NCOR2: variants seen among roughly 807,000 people sequenced by gnomAD.
The protein encoded by NCOR2 is CTG repeat protein 26.
NCOR2 carries 81 observed loss-of-function variants against 262.9 expected under a neutral mutation model. That is an observed-to-expected ratio of 0.31 (90% CI 0.26 to 0.37). The LOEUF (loss-of-function observed/expected upper bound fraction) is 0.37. Ranked by LOEUF, NCOR2 falls within the 10% of genes least tolerant of loss-of-function variation. NCOR2 has a pLI of 1.00. For missense variants in NCOR2, 3,385 were observed against 3,621.4 expected, an observed-to-expected ratio of 0.93 and a Z score of 1.68; for synonymous variants, 1,659 against 1,559.3, an observed-to-expected ratio of 1.06 and a Z score of -1.51.
chr12:124,447,034 C>G (rs1437077302), intron 7 of NCOR2, among the ~76,000 whole-genome samples: 1 of 152,238 alleles, frequency 6.6e-6, no homozygotes, highest in Admixed American at 6.5e-5. Flanking sequence ...CCTGCCTCAA[C>G]CTCCTGAGTA....
rs368160551 is a variant in NCOR2, at chr12:124,448,650, G to A, written c.815+1165C>T. 2.5e-4 allele frequency among the ~76,000 whole-genome samples: 5 copies of A among 20,030 alleles called. No homozygotes were observed. The East Asian group carries it at 9.0e-3, about 36-fold the overall frequency. 13.1% of individuals were successfully genotyped at this position (20,030 alleles called of 152,430 possible). ...TCTAGGCTGCTGCAACAATGACCAG[G>A]TGGCCAAGTTGATCACCTGAGCTTG... On this transcript the variant is annotated intron_variant, in intron 7 of 46. Coordinates refer to ENST00000405201, the Ensembl canonical transcript of NCOR2.
chr12:124,529,493 A>T (rs56993366), intron 1 of NCOR2, among the ~76,000 whole-genome samples: 3,220 of 152,312 alleles, frequency 0.021, 120 homozygotes, highest in African/African-American at 0.074. Flanking sequence ...AAAAAATAAA[A>T]AAATAAATAA....
At chr12:124,336,963 C>T (rs747426729) in exon 38 of NCOR2, 19 of 1,527,828 alleles carry the variant, frequency 1.2e-5, no homozygotes, top group Admixed American at 2.1e-5. Flanking sequence ...GGGGAGGAGG[C>T]GGGCTCCAGC....
Position 124,454,980 on chromosome 12 carries a change from C to T in NCOR2, c.762+2126G>A, listed in dbSNP as rs922801519. ...AATATGATTCAGCCACAAAAAGGAACGAAGGACCGACCCACGCTCGACACG... is the reference window on the plus strand; with the variant it reads ...AATATGATTCAGCCACAAAAAGGAATGAAGGACCGACCCACGCTCGACACG... On this transcript the variant is annotated intron_variant, in intron 6 of 46. Coordinates refer to ENST00000405201, the Ensembl canonical transcript of NCOR2. The surrounding 1 kb of genome is among the most constrained non-coding windows in gnomAD (Gnocchi z 5.6). 2.0e-5 allele frequency among the ~76,000 whole-genome samples: 3 copies of T among 152,096 alleles called. No individual in the cohort carries two copies. Among genetic ancestry groups the T allele is most frequent in the African/African-American group, 4.8e-5 (2 of 41,410 alleles).
intron 9 of NCOR2, among the ~76,000 whole-genome samples, chr12:124,429,908 T>C (rs1042435724): frequency 6.6e-6 from 1 of 152,192 alleles, no homozygotes; most frequent in East Asian, 1.9e-4. Context: ...CCCTGTGACA[T>C]GGGCAGCTCA....
intron 1 of NCOR2, among the ~76,000 whole-genome samples, chr12:124,489,334 T>G (rs1411460209): frequency 3.3e-5 from 5 of 152,196 alleles, no homozygotes; most frequent in Non-Finnish European, 7.3e-5. Context: ...TATTAGTTAA[T>G]TTCATCCCTA....
chr12:124,488,506 C>T (rs1208585548), intron 1 of NCOR2, among the ~76,000 whole-genome samples: 1 of 152,212 alleles, frequency 6.6e-6, no homozygotes, highest in Non-Finnish European at 1.5e-5. Context: ...GAGGGATTCC[C>T]CCAAGGCTGA....
At chr12:124,477,363 G>GT (rs1228152360) in intron 3 of NCOR2, among the ~76,000 whole-genome samples, 1 of 152,208 alleles carries the variant, frequency 6.6e-6, no homozygotes, top group African/African-American at 2.4e-5. Flanking sequence ...CACCACGACT[G>GT]TGAGTTTCCT....
chr12:124,396,499 C>CCCCAGGCCCTACCAGCTGGATACAGGG, intron 16 of NCOR2, among the ~76,000 whole-genome samples: 1 of 152,082 alleles, frequency 6.6e-6, no homozygotes, highest in East Asian at 1.9e-4. Context: ...CTGACAGCAG[C>CCCCAGGCCCTACCAGCTGGATACAGGG]CCCAGGCCCT....
At chr12:124,530,239 G>A (rs145760996) in intron 1 of NCOR2, 7 of 151,510 alleles carry the variant, frequency 4.6e-5, no homozygotes, top group Non-Finnish European at 7.4e-5. Flanking sequence ...AATTCTAGAA[G>A]AGTTAAAAGC....
intron 16 of NCOR2, among the ~76,000 whole-genome samples, chr12:124,390,610 C>A (rs11831411): frequency 1.1e-3 from 174 of 152,322 alleles, no homozygotes; most frequent in African/African-American, 3.8e-3. Context: ...GGCATCTCTG[C>A]CACCCGTCTG....
chr12:124,452,328 T>C (rs2045598190), intron 6 of NCOR2, among the ~76,000 whole-genome samples: 1 of 152,212 alleles, frequency 6.6e-6, no homozygotes, highest in Non-Finnish European at 1.5e-5. Context: ...GTTCCCCACA[T>C]GCCAATCAAA....
chr12:124,522,150 A>G (rs917961997), intron 1 of NCOR2, among the ~76,000 whole-genome samples: 3 of 152,214 alleles, frequency 2.0e-5, no homozygotes, highest in African/African-American at 7.2e-5. Context: ...GAGCTATCAG[A>G]CATTCGAGAA....
At chr12:124,388,845 C>CA in intron 16 of NCOR2, 3 of 1,259,360 alleles carry the variant, frequency 2.4e-6, no homozygotes, top group Non-Finnish European at 3.1e-6. Flanking sequence ...CTCAGCCTCA[C>CA]ATCCTTCTCC....
At chr12:124,354,265 G>A (rs903646969) in intron 26 of NCOR2, 69 bp from the exon 29 acceptor site, 10 of 1,449,176 alleles carry the variant, frequency 6.9e-6, no homozygotes, top group Non-Finnish European at 9.4e-6. Flanking sequence ...CCAGTCCTGA[G>A]AGCCACCCTG....
intron 37 of NCOR2, among the ~76,000 whole-genome samples, chr12:124,339,458 A>G (rs2036222747): frequency 7.0e-6 from 1 of 143,654 alleles, no homozygotes. Context: ...CCATCTACTT[A>G]CCTACCTAAC....
intron 22 of NCOR2, among the ~76,000 whole-genome samples, chr12:124,360,587 C>G (rs188592076): frequency 6.6e-6 from 1 of 152,354 alleles, no homozygotes; most frequent in African/African-American, 2.4e-5. Context: ...ACACCTGAGA[C>G]AAAATCCACT....
At chr12:124,554,912 T>G (rs1046194361) in intron 1 of NCOR2, among the ~76,000 whole-genome samples, 3 of 152,094 alleles carry the variant, frequency 2.0e-5, no homozygotes, top group African/African-American at 7.2e-5. Context: ...CGGAGGGGAA[T>G]GGGTTGGGTC....
rs1230817059 is a variant in NCOR2, at chr12:124,548,013, A to T, written c.-164-12402T>A. Among the ~76,000 whole-genome samples, 1 of 152,188 alleles carries T rather than the reference A, an allele frequency of 6.6e-6. No individual in the cohort carries two copies. The highest frequency in any genetic ancestry group is 1.9e-4 in the East Asian group (1 of 5,188). On this transcript the variant is annotated intron_variant, in intron 1 of 32. Transcript: ENST00000458234. This position sits in a 1 kb window ranked among gnomAD's most constrained non-coding sequence, Gnocchi z 5.1. ...TCTAAAACTTGTAAGGTTATAAAAT[A>T]ACCATAAGAACTATGATGATGTGGA...
Sources: gnomAD v4.1 joint callset for allele counts (sites outside exome capture counted in the v4.1 genomes callset) on GRCh38, gnomAD v4.1.1 for gene constraint, Gnocchi (gnomAD v3.1) non-coding constraint, MANE v1.5 for transcripts, NCBI Gene and HGNC (gene_info 2026-07-23, HGNC 2026-07-21) for gene names.